EFNA2: variants seen among roughly 807,000 people sequenced by gnomAD.
EFNA2 encodes the protein ephrin-A2.
In EFNA2, 18 loss-of-function variants were observed where a neutral mutation model predicts 19.7. That is an observed-to-expected ratio of 0.91 (90% CI 0.63 to 1.35). EFNA2 has a LOEUF of 1.35. Ranked by LOEUF, EFNA2 falls within the 40% of genes most tolerant of loss-of-function variation. The pLI is 0.00. For synonymous variants in EFNA2, 187 were observed against 137.8 expected (o/e 1.36, Z -2.50); for missense variants, 303 against 296.0 (o/e 1.02, Z -0.17).
In EFNA2 at chr19:1,300,091, A is replaced by C. The variant is rs1345232763; in HGVS notation, c.*146A>C. On this transcript the variant is annotated 3_prime_UTR_variant, in exon 4 of 4. Transcript: ENST00000215368. ...TCGCCTGGTGCCGCCCCCGCCGGGC[A>C]GGGGCCATCCACCCGCCCCAGGACC... The C allele has an allele frequency of 3.3e-6, 4 of 1,194,248 alleles. No homozygotes were observed. The highest frequency in any genetic ancestry group is 4.5e-6 in the Non-Finnish European group (4 of 892,054). The allele number at this position is 1,194,248 out of a possible 1,614,324, so 74.0% of individuals were successfully genotyped here.
rs987534573 is a variant in EFNA2 at position 1,301,333 on chromosome 19, G to A, written c.*1388G>A. ...GTAGGGGGTCGGCGGGGCGGGCCGCGTTGCCAGGCCTGGAGCTGGCGACCG... is the reference window on the plus strand; with the variant it reads ...GTAGGGGGTCGGCGGGGCGGGCCGCATTGCCAGGCCTGGAGCTGGCGACCG... On this transcript the variant is annotated 3_prime_UTR_variant, in exon 4 of 4. Coordinates refer to ENST00000215368, the MANE Select transcript of EFNA2 (RefSeq NM_001405.4). 1.6e-3 allele frequency among the ~76,000 whole-genome samples: 245 copies of A among 151,480 alleles called. No homozygotes were observed. The highest frequency in any genetic ancestry group is 5.8e-3 in the African/African-American group (239 of 41,442).
rs1038929884 is a variant in EFNA2 at position 1,296,505 on chromosome 19, CA to C, written c.454+648del. 1.4e-4 allele frequency among the ~76,000 whole-genome samples: 21 copies of C among 152,262 alleles called. No individual in the cohort carries two copies. The highest frequency in any genetic ancestry group is 1.2e-3 in the Admixed American group (18 of 15,300). ...TAGGGAGACCTTCTCTCTACAAAAA[CA>C]TAAAAACAATTAGCCAGGTGTGGTG... On this transcript the variant is annotated intron_variant, in intron 2 of 3. Transcript: ENST00000215368. This position sits in a 1 kb window ranked among gnomAD's most constrained non-coding sequence, Gnocchi z 4.4.
At position 1,299,987 on chromosome 19, in the gene EFNA2, C is replaced by T. The variant is rs771219488; in HGVS notation, c.*42C>T. On this transcript the variant is annotated 3_prime_UTR_variant, in exon 4 of 4. Coordinates refer to ENST00000215368, the MANE Select transcript of EFNA2 (RefSeq NM_001405.4). ...CGCCGACCCTGCCTGGACGGCCCCG[C>T]CTGGACCGCCTGACCTCGGCCCTCC... 3.2e-6 allele frequency: 5 copies of T among 1,561,804 alleles called. No individual in the cohort carries two copies. Among genetic ancestry groups the T allele is most frequent in the Non-Finnish European group, 3.4e-6 (4 of 1,159,936 alleles).
chr19:1,300,087 G>C lies in EFNA2; in HGVS notation c.*142G>C. On this transcript the variant is annotated 3_prime_UTR_variant, in exon 4 of 4. Coordinates refer to ENST00000215368, the MANE Select transcript of EFNA2 (RefSeq NM_001405.4). ...TCCCTCGCCTGGTGCCGCCCCCGCC[G>C]GGCAGGGGCCATCCACCCGCCCCAG... 1 of 1,223,244 alleles carries C rather than the reference G, an allele frequency of 8.2e-7. No individual in the cohort carries two copies. Among genetic ancestry groups the C allele is most frequent in the Non-Finnish European group, 1.1e-6 (1 of 917,370 alleles). 75.8% of individuals were successfully genotyped at this position (1,223,244 alleles called of 1,614,324 possible).
Position 1,295,620 on chromosome 19 carries a change from C to G in EFNA2, c.216C>G (p.Tyr72Ter). 6.2e-7 allele frequency: 1 copy of G among 1,611,666 alleles called. No individual in the cohort carries two copies. Among genetic ancestry groups the G allele is most frequent in the South Asian group, 1.1e-5 (1 of 90,884 alleles). ...EVSINDYLDI[Y>*]CPHYGAPLPP... ...GCATCAATGACTACCTGGACATCTA[C>G]TGCCCGCACTATGGGGCGCCGCTGC... Residue 72 changes from tyrosine to a stop codon, truncating the protein, a stop_gained, in exon 2 of 4, where the codon TAC becomes TAG. Transcript: ENST00000215368. LOFTEE classifies it high-confidence loss of function. This position sits in a 1 kb window ranked among gnomAD's most constrained non-coding sequence, Gnocchi z 5.8.
rs535555351 is a variant in EFNA2 at position 1,287,262 on chromosome 19, G to C, written c.140+954G>C. ...CAGGAGCAGGCTGCAGCTTCCCTGG[G>C]GGTCCCGTGGGAGCCGGGGCTTTGG... is the stretch of plus-strand genomic sequence containing the variant. On this transcript the variant is annotated intron_variant, in intron 1 of 3. Transcript: ENST00000215368. The surrounding 1 kb of genome is among the most constrained non-coding windows in gnomAD (Gnocchi z 6.2). 3.7e-3 allele frequency among the ~76,000 whole-genome samples: 566 copies of C among 152,280 alleles called. 4 individuals carry two copies. The highest frequency in any genetic ancestry group is 0.011 in the African/African-American group (448 of 41,542).
rs894266896 is a variant in EFNA2 at position 1,300,037 on chromosome 19, C to G, written c.*92C>G. 6.9e-7 allele frequency: 1 copy of G among 1,451,100 alleles called. No homozygotes were observed. The highest frequency in any genetic ancestry group is 1.4e-5 in the African/African-American group (1 of 69,508). The allele number at this position is 1,451,100 out of a possible 1,614,324, so 89.9% of individuals were successfully genotyped here. On this transcript the variant is annotated 3_prime_UTR_variant, in exon 4 of 4. Coordinates refer to ENST00000215368, the MANE Select transcript of EFNA2 (RefSeq NM_001405.4). ...CGGACCCGGCTGCGGCCCCCGCCTCCGAGACCAAATAGAGACGCTGCTTCT... is the reference window on the plus strand; with the variant it reads ...CGGACCCGGCTGCGGCCCCCGCCTCGGAGACCAAATAGAGACGCTGCTTCT...
At position 1,297,322 on chromosome 19, in the gene EFNA2, G is replaced by C. The variant is rs189739334; in HGVS notation, c.455-1229G>C. On this transcript the variant is annotated intron_variant, in intron 2 of 3. Coordinates refer to ENST00000215368, the MANE Select transcript of EFNA2 (RefSeq NM_001405.4). This position sits in a 1 kb window ranked among gnomAD's most constrained non-coding sequence, Gnocchi z 5.0. ...TTCCCTTTTAATTCAGGGAAGAAGC[G>C]GGTGGGGGACGGGGGAAGGTGTTTA... Among the ~76,000 whole-genome samples the C allele has an allele frequency of 6.6e-6, 1 of 152,190 alleles. No homozygotes were observed.
chr19:1,288,650 C>T (rs2081477121), intron 1 of EFNA2, among the ~76,000 whole-genome samples: 1 of 152,086 alleles, frequency 6.6e-6, no homozygotes, highest in Non-Finnish European at 1.5e-5. Flanking sequence ...CGCCCATTGG[C>T]CTGGCACCTG....
At position 1,294,555 on chromosome 19, in the gene EFNA2, G is replaced by A. The variant is rs1285666245; in HGVS notation, c.141-990G>A. ...CTCGGGAGGTTTCTGGGTTCCAGAT[G>A]TGAGAGGGTGGTATGGGGCTCGCAG... On this transcript the variant is annotated intron_variant, in intron 1 of 3. Transcript: ENST00000215368. The surrounding 1 kb of genome is among the most constrained non-coding windows in gnomAD (Gnocchi z 5.8). Among the ~76,000 whole-genome samples, 1 of 152,222 alleles carries A rather than the reference G, an allele frequency of 6.6e-6. No individual in the cohort carries two copies. Among genetic ancestry groups the A allele is most frequent in the East Asian group, 1.9e-4 (1 of 5,176 alleles).
chr19:1,299,867 TA>T lies in EFNA2; in HGVS notation c.566del (p.Asn189ThrfsTer44). ...EAPEPIFTSN[N>X]SCSSPGGCRL... The stretch of plus-strand genomic sequence containing the variant: ...CTCCTGAGCCCATCTTCACCAGCAA[TA>T]ACTCGTGTAGCAGCCCGGGCGGCTG... On this transcript the variant is annotated frameshift_variant, in exon 4 of 4. Transcript: ENST00000215368. LOFTEE classifies it high-confidence loss of function. The T allele has an allele frequency of 6.2e-7, 1 of 1,605,098 alleles. No homozygotes were observed. Among genetic ancestry groups the T allele is most frequent in the Non-Finnish European group, 8.5e-7 (1 of 1,178,148 alleles).
In EFNA2 at chr19:1,287,661, C is replaced by T. The variant is rs2144611520; in HGVS notation, c.140+1353C>T. 6.6e-6 allele frequency among the ~76,000 whole-genome samples: 1 copy of T among 152,158 alleles called. No individual in the cohort carries two copies. The highest frequency in any genetic ancestry group is 1.9e-4 in the East Asian group (1 of 5,164). ...GGCCCTGGGGGCTGAGGGCAGGGACCCCGGGCCGCTGGGGGACGGCTGGCC... is the reference window on the plus strand; with the variant it reads ...GGCCCTGGGGGCTGAGGGCAGGGACTCCGGGCCGCTGGGGGACGGCTGGCC... On this transcript the variant is annotated intron_variant, in intron 1 of 3. Transcript: ENST00000215368. This position sits in a 1 kb window ranked among gnomAD's most constrained non-coding sequence, Gnocchi z 6.2.
Position 1,286,770 on chromosome 19 carries a change from G to A in EFNA2, c.140+462G>A, listed in dbSNP as rs1171958453. Among the ~76,000 whole-genome samples the A allele has an allele frequency of 6.6e-6, 1 of 152,182 alleles. No homozygotes were observed. The highest frequency in any genetic ancestry group is 1.5e-5 in the Non-Finnish European group (1 of 68,002). On this transcript the variant is annotated intron_variant, in intron 1 of 3. Coordinates refer to ENST00000215368, the MANE Select transcript of EFNA2 (RefSeq NM_001405.4). The surrounding 1 kb of genome is among the most constrained non-coding windows in gnomAD (Gnocchi z 5.6). ...TGGCCCTCGAGGGATCTCTGGGTTC[G>A]TCCTGCCCGCAGGTCCCCAGATGAA...
At chr19:1,298,716 G>C (rs768546370) in intron 3 of EFNA2, 100 bp downstream of exon 3, 2 of 1,355,918 alleles carry the variant, frequency 1.5e-6, no homozygotes, top group Non-Finnish European at 1.0e-6. Context: ...AGGGGGCCTC[G>C]GGTTTCCCTA....
upstream of EFNA2, among the ~76,000 whole-genome samples, chr19:1,285,272 C>G (rs1478288023): frequency 2.0e-5 from 3 of 152,182 alleles, no homozygotes; most frequent in African/African-American, 4.8e-5. This position sits in a 1 kb window ranked among gnomAD's most constrained non-coding sequence, Gnocchi z 4.1. Context: ...TGCTGTCGGC[C>G]GGGGCTTCAC....
upstream of EFNA2, among the ~76,000 whole-genome samples, chr19:1,285,580 G>C (rs1004439271): frequency 4.6e-5 from 7 of 152,122 alleles, no homozygotes; most frequent in South Asian, 2.1e-4. This position sits in a 1 kb window ranked among gnomAD's most constrained non-coding sequence, Gnocchi z 4.1. Flanking sequence ...CGCTGGAACC[G>C]GGCAGGTGAG....
At chr19:1,298,759 C>T in intron 3 of EFNA2, 143 bp downstream of exon 3, 1 of 866,734 alleles carries the variant, frequency 1.2e-6, no homozygotes, top group Non-Finnish European at 1.8e-6. Flanking sequence ...CTCGATTTCC[C>T]CGTCTGATGA....
At chr19:1,293,083 G>A (rs1313489022) in intron 1 of EFNA2, among the ~76,000 whole-genome samples, 2 of 152,190 alleles carry the variant, frequency 1.3e-5, no homozygotes, top group African/African-American at 2.4e-5. Flanking sequence ...GCTCCCTGGG[G>A]ATCACTGCCG....
chr19:1,300,009 C>T lies in EFNA2; in HGVS notation c.*64C>T. The T allele has an allele frequency of 1.3e-6, 2 of 1,518,242 alleles. No individual in the cohort carries two copies. The highest frequency in any genetic ancestry group is 1.8e-6 in the Non-Finnish European group (2 of 1,139,192). 94.0% of individuals were successfully genotyped at this position (1,518,242 alleles called of 1,614,324 possible). A position where few individuals can be genotyped will look rare whatever the true frequency, so the allele number is the denominator to read the frequency against. On this transcript the variant is annotated 3_prime_UTR_variant, in exon 4 of 4. Transcript: ENST00000215368. ...CCGCCTGGACCGCCTGACCTCGGCC[C>T]TCCGGACCCGGCTGCGGCCCCCGCC...
Sources: allele counts gnomAD v4.1 joint callset (sites outside exome capture counted in the v4.1 genomes callset), GRCh38; gene constraint gnomAD v4.1.1; non-coding constraint Gnocchi (gnomAD v3.1); transcripts MANE v1.5; gene names NCBI Gene and HGNC (gene_info 2026-07-23, HGNC 2026-07-21).